The following UXS1 variants were observed in gnomAD, a reference collection of about 807,000 sequenced individuals.
The protein encoded by UXS1 is UDP-glucuronate decarboxylase 1.
UXS1 carries 33 observed loss-of-function variants against 62.6 expected under a neutral mutation model. That is an observed-to-expected ratio of 0.53 (90% CI 0.40 to 0.70). The LOEUF is 0.70. Ranked by LOEUF, UXS1 falls within the 30% of genes least tolerant of loss-of-function variation. The pLI, the probability that UXS1 is intolerant of heterozygous loss-of-function variation, is 0.00. For missense variants in UXS1, 434 were observed against 556.3 expected (o/e 0.78, Z 2.21); for synonymous variants, 213 against 206.8 (o/e 1.03, Z -0.26).
intron 5 of UXS1, among the ~76,000 whole-genome samples, chr2:106,156,901 GATT>G (rs1369430850): frequency 6.6e-6 from 1 of 152,118 alleles, no homozygotes; most frequent in African/African-American, 2.4e-5. Flanking sequence ...TCATATAACA[GATT>G]ATTTGGTAAT....
chr2:106,168,126 A>C (rs1319623268), intron 1 of UXS1, among the ~76,000 whole-genome samples: 2 of 152,144 alleles, frequency 1.3e-5, no homozygotes, highest in Non-Finnish European at 2.9e-5. Flanking sequence ...ACACCATTGC[A>C]CTCCAGCCTG....
intron 6 of UXS1, among the ~76,000 whole-genome samples, chr2:106,140,826 C>G (rs909778783): frequency 1.4e-4 from 21 of 152,202 alleles, no homozygotes; most frequent in African/African-American, 4.8e-4. Context: ...GTTCCCGGTA[C>G]TGGTCTTCCC....
At chr2:106,193,737 C>T (rs964923018) in intron 1 of UXS1, among the ~76,000 whole-genome samples, 7 of 152,218 alleles carry the variant, frequency 4.6e-5, no homozygotes. Flanking sequence ...TCCGACTTAA[C>T]CGACACCGCG....
At chr2:106,153,617 T>C (rs984798775) in intron 5 of UXS1, among the ~76,000 whole-genome samples, 4 of 152,138 alleles carry the variant, frequency 2.6e-5, no homozygotes, top group African/African-American at 9.7e-5. Context: ...TACAATATAC[T>C]ACCTAAAATG....
At chr2:106,103,959 G>A (rs1677825116) in intron 11 of UXS1, among the ~76,000 whole-genome samples, 1 of 152,162 alleles carries the variant, frequency 6.6e-6, no homozygotes, top group African/African-American at 2.4e-5. Context: ...GGACTTGGGG[G>A]CTGCCCCGAC....
At chr2:106,181,950 A>T (rs528082885) in intron 1 of UXS1, among the ~76,000 whole-genome samples, 1 of 152,344 alleles carries the variant, frequency 6.6e-6, no homozygotes, top group African/African-American at 2.4e-5. Flanking sequence ...ATTAATGCAA[A>T]AGGCAAAGGA....
At chr2:106,096,977 G>A in intron 13 of UXS1, 156 bp from the exon 14 acceptor site, 2 of 781,616 alleles carry the variant, frequency 2.6e-6, no homozygotes, top group Non-Finnish European at 4.4e-6. Context: ...GCTCCCGAGG[G>A]ACTGTTCTGC....
Position 106,122,911 on chromosome 2 carries a change from C to T in UXS1, c.759+59G>A, listed in dbSNP as rs142723663. 432 of 1,596,280 alleles carry T rather than the reference C, an allele frequency of 2.7e-4. 6 individuals carry two copies. The East Asian group carries it at 9.5e-3, about 35-fold the overall frequency. ...GCATTCATTCCTTTACAACACTTTA[C>T]ATCTGAGGTCAGGGTGCTCAGCACG... On this transcript the variant is annotated intron_variant, in intron 9 of 14. Transcript: ENST00000283148.
In UXS1 at chr2:106,104,681, T is replaced by C. The variant is rs189953861; in HGVS notation, c.923+113A>G. 257 of 1,321,532 alleles carry C rather than the reference T, an allele frequency of 1.9e-4. 1 individual carries two copies. Among genetic ancestry groups the C allele is most frequent in the South Asian group, 1.2e-3 (104 of 84,150 alleles). 81.9% of individuals were successfully genotyped at this position (1,321,532 alleles called of 1,614,324 possible). ...TTAAAAATTTTTAATCAATATATAG[T>C]GTTAGCGTTGTGGAAATGGTTAACA... On this transcript the variant is annotated intron_variant, in intron 11 of 14. Transcript: ENST00000283148.
chr2:106,110,119 G>A (rs1025038334), intron 10 of UXS1, among the ~76,000 whole-genome samples: 4 of 152,124 alleles, frequency 2.6e-5, no homozygotes, highest in Admixed American at 2.0e-4. Flanking sequence ...ATTCTTGCTG[G>A]GAAATAGAAT....
At chr2:106,169,827 C>A (rs1251211445) in intron 1 of UXS1, among the ~76,000 whole-genome samples, 1 of 152,192 alleles carries the variant, frequency 6.6e-6, no homozygotes, top group Non-Finnish European at 1.5e-5. Context: ...TTTCCCCTTG[C>A]CCACTGCTTC....
chr2:106,192,253 G>C (rs1033940396), intron 1 of UXS1, among the ~76,000 whole-genome samples: 1 of 152,188 alleles, frequency 6.6e-6, no homozygotes, highest in Non-Finnish European at 1.5e-5. Flanking sequence ...TCAGATGAAT[G>C]ATTGGTTAAA....
At chr2:106,162,905 A>G (rs1682986360) in intron 4 of UXS1, among the ~76,000 whole-genome samples, 1 of 152,236 alleles carries the variant, frequency 6.6e-6, no homozygotes, top group African/African-American at 2.4e-5. Context: ...GACTTGATAA[A>G]AGGCTCATTC....
intron 8 of UXS1, among the ~76,000 whole-genome samples, chr2:106,124,733 C>T (rs1679787559): frequency 6.6e-6 from 1 of 152,142 alleles, no homozygotes; most frequent in Non-Finnish European, 1.5e-5. Flanking sequence ...ACACTCTGCT[C>T]TTTTATTAAT....
chr2:106,119,917 G>A (rs1679387268), intron 9 of UXS1, among the ~76,000 whole-genome samples: 1 of 152,138 alleles, frequency 6.6e-6, no homozygotes. Context: ...ATTATGCATA[G>A]CAATTTTTCT....
chr2:106,171,489 T>A (rs957379542), intron 1 of UXS1, among the ~76,000 whole-genome samples: 1 of 152,056 alleles, frequency 6.6e-6, no homozygotes, highest in Non-Finnish European at 1.5e-5. Context: ...GGTCTCAAGG[T>A]CCTCCAATGA....
chr2:106,101,181 C>T, intron 11 of UXS1, 63 bp from the exon 12 acceptor site: 2 of 1,527,330 alleles, frequency 1.3e-6, no homozygotes, highest in Non-Finnish European at 1.8e-6. Flanking sequence ...CCACGCACCA[C>T]ATAGAAGCCC....
chr2:106,141,155 G>A (rs1469070470), intron 6 of UXS1, among the ~76,000 whole-genome samples: 1 of 152,186 alleles, frequency 6.6e-6, no homozygotes, highest in African/African-American at 2.4e-5. Flanking sequence ...GAAAACCCGT[G>A]TCTTGGTAAA....
intron 10 of UXS1, among the ~76,000 whole-genome samples, chr2:106,111,008 G>C (rs1678553107): frequency 6.6e-6 from 1 of 152,204 alleles, no homozygotes; most frequent in Non-Finnish European, 1.5e-5. Context: ...CCGGCCTGAG[G>C]GAAGGTGCGG....
Sources: gnomAD v4.1 joint callset for allele counts (sites outside exome capture counted in the v4.1 genomes callset) on GRCh38, gnomAD v4.1.1 for gene constraint, MANE v1.5 for transcripts, NCBI Gene and HGNC (gene_info 2026-07-23, HGNC 2026-07-21) for gene names.